ITPR3: variants seen among roughly 807,000 people sequenced by gnomAD.
ITPR3 encodes inositol 1,4,5-trisphosphate-gated calcium channel ITPR3.
In ITPR3, 173 loss-of-function variants were observed where a neutral mutation model predicts 293.2. The observed-to-expected ratio is 0.59, with a 90% CI of 0.52 to 0.67. The LOEUF (loss-of-function observed/expected upper bound fraction) is 0.67. Ranked by LOEUF, ITPR3 falls within the 30% of genes least tolerant of loss-of-function variation. ITPR3 has a pLI of 0.00. For synonymous variants in ITPR3, 1,295 were observed against 1,444.4 expected (o/e 0.90, Z 2.35); for missense variants, 2,796 against 3,592.1 (o/e 0.78, Z 5.66).
chr6:33,691,186 G>T lies in ITPR3; in HGVS notation c.7225+77G>T. The T allele has an allele frequency of 2.1e-6, 3 of 1,424,224 alleles. No individual in the cohort carries two copies. Among genetic ancestry groups the T allele is most frequent in the Non-Finnish European group, 2.9e-6 (3 of 1,020,402 alleles). The allele number at this position is 1,424,224 out of a possible 1,614,324, so 88.2% of individuals were successfully genotyped here. On this transcript the variant is annotated intron_variant, in intron 52 of 57. Transcript: ENST00000605930. This position sits in a 1 kb window ranked among gnomAD's most constrained non-coding sequence, Gnocchi z 4.9. Reference sequence around the variant, plus strand: ...CACAAATGTCTGGCGTCAGGACCAGGACCTGCAGCGCTTACCTCACCAGGC... The same window carrying T: ...CACAAATGTCTGGCGTCAGGACCAGTACCTGCAGCGCTTACCTCACCAGGC...
Position 33,693,975 on chromosome 6 carries a change from C to G in ITPR3, c.7785+270C>G, listed in dbSNP as rs148711652. Among the ~76,000 whole-genome samples, 1,142 of 152,354 alleles carry G rather than the reference C, an allele frequency of 7.5e-3. 6 individuals carry two copies. The highest frequency in any genetic ancestry group is 0.013 in the Admixed American group (206 of 15,302). On this transcript the variant is annotated intron_variant, in intron 56 of 57. Coordinates refer to ENST00000605930, the MANE Select transcript of ITPR3 (RefSeq NM_002224.4). The stretch of plus-strand genomic sequence containing the variant: ...GCTGCAGAGGGGCCTCCTCACACTT[C>G]TGGGTGTCAGGAAAAATCCCACAGC...
intron 55 of ITPR3, 88 bp from the exon 56 acceptor site, chr6:33,693,457 A>T: frequency 7.0e-7 from 1 of 1,437,624 alleles, no homozygotes; most frequent in Non-Finnish European, 9.7e-7. Context: ...AATGCCTCCA[A>T]CCCCCGGAAG....
chr6:33,679,122 TGTC>T lies in ITPR3; in HGVS notation c.3972+289_3972+291del, dbSNP rs756456125. ...AATCAAGCATGCATTCCTTGTCACTTGTCGTCGTTTATTTAAAATCAGGAAGCA... is the reference window on the plus strand; with the variant it reads ...AATCAAGCATGCATTCCTTGTCACTTGTCGTTTATTTAAAATCAGGAAGCA... On this transcript the variant is annotated intron_variant, in intron 30 of 57. Coordinates refer to ENST00000605930, the MANE Select transcript of ITPR3 (RefSeq NM_002224.4). The surrounding 1 kb of genome is among the most constrained non-coding windows in gnomAD (Gnocchi z 4.2). Among the ~76,000 whole-genome samples, 1 of 152,178 alleles carries T rather than the reference TGTC, an allele frequency of 6.6e-6. No individual in the cohort carries two copies. Among genetic ancestry groups the T allele is most frequent in the East Asian group, 1.9e-4 (1 of 5,194 alleles).
intron 33 of ITPR3, among the ~76,000 whole-genome samples, chr6:33,680,986 A>C (rs1239328058): frequency 6.6e-6 from 1 of 151,876 alleles, no homozygotes; most frequent in Non-Finnish European, 1.5e-5. Context: ...ACGCCCAGCT[A>C]ATTTTTGCAT....
At chr6:33,694,739 G>A in intron 56 of ITPR3, 185 bp from the exon 57 acceptor site, 1 of 681,632 alleles carries the variant, frequency 1.5e-6, no homozygotes, top group Non-Finnish European at 2.4e-6. Flanking sequence ...TGACAAGAGG[G>A]TTGACTGCCA....
At position 33,692,750 on chromosome 6, in the gene ITPR3, T is replaced by C. The variant is rs1374221708; in HGVS notation, c.7481T>C (p.Val2494Ala). 2 of 1,614,036 alleles carry C rather than the reference T, an allele frequency of 1.2e-6. No individual in the cohort carries two copies. The highest frequency in any genetic ancestry group is 2.7e-5 in the African/African-American group (2 of 74,996). The change falls in exon 55 of 58, where the codon GTG becomes GCG. Residue 2494 changes from valine (V) to alanine (A), a missense_variant. Val to Ala is a moderately conservative substitution (Grantham distance 64, BLOSUM62 0). Coordinates refer to ENST00000605930, the MANE Select transcript of ITPR3 (RefSeq NM_002224.4). This position sits in a 1 kb window ranked among gnomAD's most constrained non-coding sequence, Gnocchi z 4.2. Reference protein sequence around the residue: ...SKDESLFPARVVYDLLFFFIV... With the variant: ...SKDESLFPARAVYDLLFFFIV... ...CAGGAGTCTCTCTTCCCAGCCCGAG[T>C]GGTCTATGACCTCCTGTTCTTCTTC...
chr6:33,691,089 T>G lies in ITPR3; in HGVS notation c.7205T>G (p.Leu2402Arg). 1 of 1,614,192 alleles carries G rather than the reference T, an allele frequency of 6.2e-7. No homozygotes were observed. Residue 2402 changes from leucine (L) to arginine (R), a missense_variant, in exon 52 of 58, where the codon CTG becomes CGG. This residue lies in a region of ITPR3 where 568 missense variants were observed against 796.1 expected (regional missense o/e 0.71). Transcript: ENST00000605930. This position sits in a 1 kb window ranked among gnomAD's most constrained non-coding sequence, Gnocchi z 4.9. ...KDDFILEVDR[L>R]PNNHSTASPL... ...GACTTCATTCTCGAGGTCGACCGGC[T>G]GCCCAACAACCACTCCACAGGTCTT...
At chr6:33,674,183 C>T in intron 23 of ITPR3, 25 bp from the exon 24 acceptor site, 7 of 1,613,730 alleles carry the variant, frequency 4.3e-6, no homozygotes, top group Non-Finnish European at 5.9e-6. Context: ...CTACAATCTG[C>T]TTCCATCTGC....
intron 43 of ITPR3, 48 bp from the exon 44 acceptor site, chr6:33,686,961 C>A: frequency 1.4e-6 from 2 of 1,435,902 alleles, no homozygotes; most frequent in East Asian, 2.3e-5. Context: ...TTGTCAGGGG[C>A]ATGGTGTCCT....
chr6:33,672,102 C>G lies in ITPR3; in HGVS notation c.2802C>G (p.Ser934=), dbSNP rs370555491. Residue 934 remains serine (S), a synonymous_variant, in exon 22 of 58, where the codon TCC becomes TCG. Coordinates refer to ENST00000605930, the MANE Select transcript of ITPR3 (RefSeq NM_002224.4). The surrounding 1 kb of genome is among the most constrained non-coding windows in gnomAD (Gnocchi z 5.0). The part of the protein sequence containing the change: ...MSTMVLSRKQ[S]VFSAPSLSAG... ...CCATGGTGCTGAGCCGCAAGCAGTC[C>G]GTCTTCAGTGCCCCCAGCCTGTCTG... is the stretch of plus-strand genomic sequence containing the variant. 3 of 1,613,714 alleles carry G rather than the reference C, an allele frequency of 1.9e-6. No individual in the cohort carries two copies. The highest frequency in any genetic ancestry group is 1.7e-5 in the Admixed American group (1 of 59,976).
In ITPR3 at chr6:33,675,188, G is replaced by A. The variant is rs1384567152; in HGVS notation, c.3117-503G>A. Among the ~76,000 whole-genome samples the A allele has an allele frequency of 1.3e-5, 2 of 152,128 alleles. No homozygotes were observed. Among genetic ancestry groups the A allele is most frequent in the African/African-American group, 4.8e-5 (2 of 41,418 alleles). ...TGTAATCCCAGCACTTTGGGAGGCC[G>A]AGGTGGGCAGATCACTTGAGGTCAG... On this transcript the variant is annotated intron_variant, in intron 24 of 57. Transcript: ENST00000605930. This position sits in a 1 kb window ranked among gnomAD's most constrained non-coding sequence, Gnocchi z 5.0.
At position 33,632,614 on chromosome 6, in the gene ITPR3, TC is replaced by T. The variant is rs1763708508; in HGVS notation, c.90-7868del. ...ACCCTAGAACAAGCTGTCAACCAGC[TC>T]CTCTCCAGAGGGCCCAGAACAGCCC... On this transcript the variant is annotated intron_variant, in intron 1 of 57. Transcript: ENST00000605930. The surrounding 1 kb of genome is among the most constrained non-coding windows in gnomAD (Gnocchi z 4.1). Among the ~76,000 whole-genome samples the T allele has an allele frequency of 6.6e-6, 1 of 152,170 alleles. No homozygotes were observed. Among genetic ancestry groups the T allele is most frequent in the Non-Finnish European group, 1.5e-5 (1 of 68,022 alleles).
rs1301511405 is a variant in ITPR3, at chr6:33,688,127, A to AC, written c.6340dup (p.Leu2114ProfsTer5). 6.2e-7 allele frequency: 1 copy of AC among 1,613,432 alleles called. No individual in the cohort carries two copies. Among genetic ancestry groups the AC allele is most frequent in the Non-Finnish European group, 8.5e-7 (1 of 1,179,906 alleles). On this transcript the variant is annotated frameshift_variant, in exon 47 of 58. Coordinates refer to ENST00000605930, the MANE Select transcript of ITPR3 (RefSeq NM_002224.4). LOFTEE classifies it high-confidence loss of function. ...GCGCCAGCACAGGAGGAGGAGGAAG[A>AC]CCCCCTGGCCTACTATGAGAACCAC...
In ITPR3 at chr6:33,695,805, G is replaced by A. The variant is rs1765530400; in HGVS notation, c.*25G>A. 2 of 1,611,606 alleles carry A rather than the reference G, an allele frequency of 1.2e-6. No homozygotes were observed. The highest frequency in any genetic ancestry group is 1.7e-6 in the Non-Finnish European group (2 of 1,177,884). ...AGGAGAGCCACCGAAGGCCCCAACA[G>A]GGGATGCTCATCACTGGAGACTGCG... On this transcript the variant is annotated 3_prime_UTR_variant, in exon 58 of 58. Transcript: ENST00000605930.
chr6:33,629,237 C>T (rs1367178213), intron 1 of ITPR3, among the ~76,000 whole-genome samples: 1 of 151,994 alleles, frequency 6.6e-6, no homozygotes, highest in Non-Finnish European at 1.5e-5. Context: ...TCTTTTTCAC[C>T]TCTAAATATT....
In ITPR3 at chr6:33,691,974, G is replaced by A. The variant is rs1443579126; in HGVS notation, c.7458+46G>A. 1 of 1,611,602 alleles carries A rather than the reference G, an allele frequency of 6.2e-7. No individual in the cohort carries two copies. The highest frequency in any genetic ancestry group is 1.3e-5 in the African/African-American group (1 of 75,052). On this transcript the variant is annotated intron_variant, in intron 54 of 57. Coordinates refer to ENST00000605930, the MANE Select transcript of ITPR3 (RefSeq NM_002224.4). The surrounding 1 kb of genome is among the most constrained non-coding windows in gnomAD (Gnocchi z 4.9). ...CCAAACCTGTGGGGCCCAAGCCACT[G>A]TCCAGATCAGCAACTGTGGAGAGTC...
Position 33,630,900 on chromosome 6 carries a change from T to C in ITPR3, c.89+9209T>C, listed in dbSNP as rs188335838. On this transcript the variant is annotated intron_variant, in intron 1 of 57. Transcript: ENST00000605930. ...ACAGGGTGGATTCTTGGTAAAGATATGTAGAGGTAAAGGAAATGGTTGCTT... is the reference window on the plus strand; with the variant it reads ...ACAGGGTGGATTCTTGGTAAAGATACGTAGAGGTAAAGGAAATGGTTGCTT... Among the ~76,000 whole-genome samples, 235 of 152,368 alleles carry C rather than the reference T, an allele frequency of 1.5e-3. 5 individuals are homozygous for C. The highest frequency in any genetic ancestry group is 6.5e-5 in the Admixed American group (1 of 15,308).
chr6:33,672,364 C>A lies in ITPR3; in HGVS notation c.2928+136C>A. The A allele has an allele frequency of 1.3e-6, 1 of 758,026 alleles. No individual in the cohort carries two copies. The highest frequency in any genetic ancestry group is 2.1e-6 in the Non-Finnish European group (1 of 477,018). 47.0% of individuals were successfully genotyped at this position (758,026 alleles called of 1,614,324 possible). A position where few individuals can be genotyped will look rare whatever the true frequency, so the allele number is the denominator to read the frequency against. ...GGAAGTCTCCATCGTGACTGGCTGTCAGGCCCAGCGGTTCCCACAGTGTGG... is the reference window on the plus strand; with the variant it reads ...GGAAGTCTCCATCGTGACTGGCTGTAAGGCCCAGCGGTTCCCACAGTGTGG... On this transcript the variant is annotated intron_variant, in intron 22 of 57. Transcript: ENST00000605930. The surrounding 1 kb of genome is among the most constrained non-coding windows in gnomAD (Gnocchi z 5.0).
At chr6:33,636,054 A>G (rs1763814483) in intron 1 of ITPR3, among the ~76,000 whole-genome samples, 1 of 143,200 alleles carries the variant, frequency 7.0e-6, no homozygotes, top group Admixed American at 7.3e-5. Context: ...TGGGAGGCCG[A>G]TGCAGGTGGA....
Sources: allele counts gnomAD v4.1 joint callset (sites outside exome capture counted in the v4.1 genomes callset), GRCh38; gene constraint gnomAD v4.1.1; regional missense constraint gnomAD v4.1.1; non-coding constraint Gnocchi (gnomAD v3.1); transcripts MANE v1.5; gene names NCBI Gene and HGNC (gene_info 2026-07-23, HGNC 2026-07-21).